HSP90AA1: variants seen among roughly 807,000 people sequenced by gnomAD.
HSP90AA1 encodes heat shock protein HSP 90-alpha.
HSP90AA1 carries 18 observed loss-of-function variants against 73.3 expected under a neutral mutation model. The ratio of observed to expected loss-of-function variants is 0.25; its 90% CI spans 0.17 to 0.36. HSP90AA1 has a LOEUF of 0.36. HSP90AA1 is among the 10% of genes least tolerant of loss of function. The pLI, the probability that HSP90AA1 is intolerant of heterozygous loss-of-function variation, is 1.00. For synonymous variants in HSP90AA1, 477 were observed against 296.9 expected, an observed-to-expected ratio of 1.61 and a Z score of -6.24; for missense variants, 704 against 874.2, an observed-to-expected ratio of 0.81 and a Z score of 2.45.
chr14:102,102,196 C>G, intron 1 of HSP90AA1: 1 of 841,682 alleles, frequency 1.2e-6, no homozygotes, highest in Non-Finnish European at 2.0e-6. Flanking sequence ...CTTCCTTAGA[C>G]TTCCTCTGTG....
rs35246125 is a variant in HSP90AA1 at position 102,084,169 on chromosome 14, G to GTT, written c.1148-188_1148-187dup. On this transcript the variant is annotated intron_variant, in intron 6 of 10. Transcript: ENST00000216281. Reference sequence around the variant, plus strand: ...ACTGCAACCTCTGCCTCCCGGGGGGGTTCAAGCTGTTTTCATGCCTCAGCC... The same window carrying GTT: ...ACTGCAACCTCTGCCTCCCGGGGGGGTTTTCAAGCTGTTTTCATGCCTCAGCC... 8 of 685,660 alleles carry GTT rather than the reference G, an allele frequency of 1.2e-5. No individual in the cohort carries two copies. In the East Asian group the frequency reaches 1.9e-4, roughly 16 times the overall value. 42.5% of individuals were successfully genotyped at this position (685,660 alleles called of 1,614,324 possible).
At chr14:102,086,517 C>G (rs1487283723) in intron 1 of HSP90AA1, 139 bp from the exon 2 acceptor site, 2 of 985,558 alleles carry the variant, frequency 2.0e-6, no homozygotes, top group Admixed American at 3.7e-5. Context: ...AGAAGGGCGG[C>G]TGACAAAGGA....
rs554303460 is a variant in HSP90AA1, at chr14:102,136,506, T to A, written c.155+2744A>T. On this transcript the variant is annotated intron_variant, in intron 1 of 11. Coordinates refer to the HSP90AA1 transcript ENST00000334701. ...CTCGCTTGAACCCGGGAGGCAGAGG[T>A]TACGGTGAGCCGAGATCATGCCACT... Among the ~76,000 whole-genome samples the A allele has an allele frequency of 4.9e-5, 6 of 122,468 alleles. No homozygotes were observed. The East Asian group carries it at 1.1e-3, about 23-fold the overall frequency. The allele number at this position is 122,468 out of a possible 152,430, so 80.3% of individuals were successfully genotyped here.
chr14:102,098,045 C>T (rs922563472), intron 2 of HSP90AA1, among the ~76,000 whole-genome samples: 8 of 152,164 alleles, frequency 5.3e-5, no homozygotes, highest in East Asian at 3.8e-4. Context: ...TTATCCCTTC[C>T]GGATGCCTTC....
Position 102,084,917 on chromosome 14 carries a change from CTT to C in HSP90AA1, c.743_744del (p.Glu248GlyfsTer9). The C allele has an allele frequency of 6.3e-7, 1 of 1,585,034 alleles. No individual in the cohort carries two copies. The highest frequency in any genetic ancestry group is 8.7e-7 in the Non-Finnish European group (1 of 1,154,184). On this transcript the variant is annotated frameshift_variant, in exon 5 of 11. Transcript: ENST00000216281. LOFTEE classifies it high-confidence loss of function. ...TCAGGTTTGTCTTCCGACTCTTTCT[CTT>C]CTTTTTCTTTTTCTTCTTCTTTGTC... is the stretch of plus-strand genomic sequence containing the variant. ...KEDKEEEKEK[E>X]EKESEDKPEI...
rs1202800202 is a variant in HSP90AA1 at position 102,139,381 on chromosome 14, GT to G, written c.23del (p.Asp8AlafsTer43). On this transcript the variant is annotated frameshift_variant, in exon 1 of 12. Transcript: ENST00000334701. LOFTEE classifies it high-confidence loss of function. ...GGGAGGGCCCAGGAGGGGTGGAGCC[GT>G]CCCCGCCCGAACACGGGGGCATCCG... 3.2e-6 allele frequency: 5 copies of G among 1,585,342 alleles called. No homozygotes were observed. Among genetic ancestry groups the G allele is most frequent in the Non-Finnish European group, 3.4e-6 (4 of 1,165,940 alleles).
chr14:102,102,257 C>T (rs2049504098), intron 1 of HSP90AA1, among the ~76,000 whole-genome samples: 1 of 152,090 alleles, frequency 6.6e-6, no homozygotes, highest in Non-Finnish European at 1.5e-5. Context: ...GCAGGAAGTT[C>T]AACTTGGGAA....
exon 1 of HSP90AA1, chr14:102,139,604 C>T: frequency 3.0e-6 from 2 of 670,824 alleles, no homozygotes; most frequent in Non-Finnish European, 2.5e-6. Flanking sequence ...CTGGCCCTGG[C>T]GGCTGCGGAA....
chr14:102,120,033 C>G (rs1378397647), intron 1 of HSP90AA1, among the ~76,000 whole-genome samples: 2 of 152,046 alleles, frequency 1.3e-5, no homozygotes, highest in Non-Finnish European at 1.5e-5. Flanking sequence ...GTTATTAAAT[C>G]AAGTTAAAAA....
intron 1 of HSP90AA1, among the ~76,000 whole-genome samples, chr14:102,126,324 A>G (rs1042025525): frequency 9.2e-5 from 14 of 152,226 alleles, no homozygotes; most frequent in Admixed American, 7.9e-4. Flanking sequence ...TGGAAACACC[A>G]GGAAAAGAGA....
chr14:102,082,724 G>A (rs1290050800), intron 9 of HSP90AA1: 11 of 506,624 alleles, frequency 2.2e-5, no homozygotes, highest in Middle Eastern at 5.7e-4. Context: ...GGGTTCAGGC[G>A]ATTCTCCTGC....
chr14:102,092,322 C>T (rs371606054), intron 2 of HSP90AA1, among the ~76,000 whole-genome samples: 1 of 151,934 alleles, frequency 6.6e-6, no homozygotes, highest in Non-Finnish European at 1.5e-5. Flanking sequence ...GTGCCTGCCT[C>T]GGTGTCGCAA....
At chr14:102,122,413 T>C (rs2049789497) in intron 1 of HSP90AA1, among the ~76,000 whole-genome samples, 1 of 151,792 alleles carries the variant, frequency 6.6e-6, no homozygotes, top group Non-Finnish European at 1.5e-5. Flanking sequence ...CCCGAGTAGC[T>C]GGGACTACAG....
chr14:102,104,428 G>A (rs1237715067), intron 1 of HSP90AA1, among the ~76,000 whole-genome samples: 1 of 151,998 alleles, frequency 6.6e-6, no homozygotes, highest in Non-Finnish European at 1.5e-5. Flanking sequence ...GGCCAGGCTG[G>A]TCTCAAACTC....
At chr14:102,112,304 C>G (rs2049651950) in intron 1 of HSP90AA1, among the ~76,000 whole-genome samples, 1 of 152,162 alleles carries the variant, frequency 6.6e-6, no homozygotes. Context: ...TCCTGAGCAG[C>G]TGGGATTACA....
Position 102,083,711 on chromosome 14 carries a change from C to G in HSP90AA1, c.1339-18G>C, listed in dbSNP as rs781098002. ...ATTCCAAGCTGAAACAAAGTATGTT[C>G]TTTACAAAGACTTTCTGAATTAAAA... On this transcript the variant is annotated intron_variant, in intron 7 of 10. Transcript: ENST00000216281. 1 of 1,350,352 alleles carries G rather than the reference C, an allele frequency of 7.4e-7. No homozygotes were observed. Among genetic ancestry groups the G allele is most frequent in the African/African-American group, 1.5e-5 (1 of 67,062 alleles). 83.6% of individuals were successfully genotyped at this position (1,350,352 alleles called of 1,614,324 possible). A position where few individuals can be genotyped will look rare whatever the true frequency, so the allele number is the denominator to read the frequency against.
upstream of HSP90AA1, among the ~76,000 whole-genome samples, chr14:102,090,444 C>T (rs2049339006): frequency 1.4e-5 from 2 of 145,422 alleles, no homozygotes; most frequent in Admixed American, 1.5e-4. Flanking sequence ...CCTTCCTCAA[C>T]AACATATTTC....
chr14:102,096,394 C>T (rs1014898029), intron 2 of HSP90AA1, among the ~76,000 whole-genome samples: 16 of 152,328 alleles, frequency 1.1e-4, no homozygotes, highest in African/African-American at 3.4e-4. Context: ...TTCAACATTA[C>T]AGCATTCCTT....
At chr14:102,119,592 A>C (rs2049749947) in intron 1 of HSP90AA1, among the ~76,000 whole-genome samples, 1 of 152,132 alleles carries the variant, frequency 6.6e-6, no homozygotes, top group African/African-American at 2.4e-5. Flanking sequence ...AGGTTCAAGC[A>C]ATTCTCCTGC....
Sources: gnomAD v4.1 joint callset for allele counts (sites outside exome capture counted in the v4.1 genomes callset) on GRCh38, gnomAD v4.1.1 for gene constraint, MANE v1.5 for transcripts, NCBI Gene and HGNC (gene_info 2026-07-23, HGNC 2026-07-21) for gene names.